The following MEGF11 variants were observed in gnomAD, a reference collection of about 807,000 sequenced individuals.
MEGF11 encodes the protein multiple EGF like domains 11, also known as multiple epidermal growth factor-like domains protein 11.
MEGF11 carries 126 observed loss-of-function variants against 146.6 expected under a neutral mutation model. The ratio of observed to expected loss-of-function variants is 0.86; its 90% confidence interval spans 0.74 to 1.00. The LOEUF is 1.00. Among genes scored for constraint, MEGF11 ranks in the 50% least tolerant of loss-of-function variants. The pLI is 0.00. For missense variants in MEGF11, 1,509 were observed against 1,521.2 expected (o/e 0.99, Z 0.13); for synonymous variants, 532 against 583.4 (o/e 0.91, Z 1.27).
At chr15:66,103,696 A>G (rs763071363) in intron 4 of MEGF11, among the ~76,000 whole-genome samples, 3 of 152,148 alleles carry the variant, frequency 2.0e-5, no homozygotes, top group Non-Finnish European at 4.4e-5. Flanking sequence ...GCCCCATCAT[A>G]TTCTCTTGTG....
intron 2 of MEGF11, among the ~76,000 whole-genome samples, chr15:66,127,910 C>T (rs2088448995): frequency 6.6e-6 from 1 of 152,288 alleles, no homozygotes; most frequent in African/African-American, 2.4e-5. Flanking sequence ...GCTGCCAGTC[C>T]TGGGAGACCA....
At chr15:65,934,996 C>T (rs570466644) in intron 10 of MEGF11, among the ~76,000 whole-genome samples, 2 of 152,184 alleles carry the variant, frequency 1.3e-5, no homozygotes, top group East Asian at 3.9e-4. Flanking sequence ...GAGGGAGTTG[C>T]AGGAACCCCG....
intron 3 of MEGF11, 84 bp from the exon 4 acceptor site, chr15:66,119,270 G>A (rs2087895997): frequency 2.2e-6 from 2 of 928,032 alleles, no homozygotes; most frequent in Admixed American, 4.8e-5. Context: ...AAGCTATATT[G>A]AGGATGCCAT....
rs892030821 is a variant in MEGF11 at position 66,244,296 on chromosome 15, A to G, written c.-9+9309T>C. Among the ~76,000 whole-genome samples the G allele has an allele frequency of 3.9e-5, 6 of 152,260 alleles. No individual in the cohort carries two copies. In the South Asian group the frequency reaches 6.2e-4, roughly 16 times the overall value. ...TTCTGAAGACCTGAGGCCCATTAGT[A>G]AGTCCTCTCCTGCTCGTTACTGGCT... On this transcript the variant is annotated intron_variant, in intron 1 of 25. Transcript: ENST00000395614.
intron 10 of MEGF11, among the ~76,000 whole-genome samples, chr15:65,955,140 G>A (rs909049953): frequency 2.6e-5 from 4 of 152,146 alleles, no homozygotes; most frequent in African/African-American, 9.7e-5. Context: ...GCTGGGACAG[G>A]GGTCACCCAT....
chr15:66,135,785 C>T (rs1420865361), intron 1 of MEGF11, among the ~76,000 whole-genome samples: 2 of 152,212 alleles, frequency 1.3e-5, no homozygotes, highest in Non-Finnish European at 2.9e-5. Context: ...ACTTCCCCTG[C>T]CCTTGGGTCT....
chr15:65,916,606 C>G, intron 17 of MEGF11: 1 of 836,840 alleles, frequency 1.2e-6, no homozygotes, highest in East Asian at 2.7e-5. Flanking sequence ...ACCTTGCAGC[C>G]CTGACCTTCC....
intron 1 of MEGF11, among the ~76,000 whole-genome samples, chr15:66,184,284 G>A (rs1415954249): frequency 2.0e-5 from 3 of 151,940 alleles, no homozygotes; most frequent in African/African-American, 2.4e-5. Context: ...TCCTCCCCAC[G>A]CATCCCACAC....
At chr15:66,032,098 T>C (rs151180453) in intron 5 of MEGF11, among the ~76,000 whole-genome samples, 99 of 152,320 alleles carry the variant, frequency 6.5e-4, no homozygotes, top group African/African-American at 2.2e-3. Context: ...CATAGAACAG[T>C]TCCATCCTGA....
intron 5 of MEGF11, among the ~76,000 whole-genome samples, chr15:66,051,839 G>T (rs964072627): frequency 3.3e-5 from 5 of 152,242 alleles, no homozygotes; most frequent in Admixed American, 3.3e-4. Flanking sequence ...AGACTCCAGA[G>T]AAAGCGAGTG....
chr15:66,188,236 T>C (rs1490133030), intron 1 of MEGF11, among the ~76,000 whole-genome samples: 1 of 152,082 alleles, frequency 6.6e-6, no homozygotes, highest in Non-Finnish European at 1.5e-5. Context: ...TGGGGATCTA[T>C]ATATATATGA....
At chr15:65,930,745 G>A in intron 11 of MEGF11, 78 bp downstream of exon 11, 1 of 1,477,450 alleles carries the variant, frequency 6.8e-7, no homozygotes, top group Non-Finnish European at 9.1e-7. Context: ...AGCCCCACCT[G>A]AGACCCCTCA....
chr15:66,217,206 C>T (rs970190097), intron 1 of MEGF11, among the ~76,000 whole-genome samples: 2 of 152,236 alleles, frequency 1.3e-5, no homozygotes, highest in Non-Finnish European at 2.9e-5. Flanking sequence ...GAGCTATCCA[C>T]AGAAGGCACC....
At chr15:66,005,002 G>A (rs969527168) in intron 5 of MEGF11, among the ~76,000 whole-genome samples, 1 of 152,174 alleles carries the variant, frequency 6.6e-6, no homozygotes, top group African/African-American at 2.4e-5. Context: ...CAGGTGGATC[G>A]CTTGAGCCCA....
intron 1 of MEGF11, among the ~76,000 whole-genome samples, chr15:66,198,743 C>T (rs1478900400): frequency 2.0e-5 from 3 of 152,090 alleles, no homozygotes; most frequent in Admixed American, 1.3e-4. Context: ...ACCTCGCCTC[C>T]GAAAGTGCTG....
intron 5 of MEGF11, among the ~76,000 whole-genome samples, chr15:66,060,157 G>C (rs1027134030): frequency 1.3e-5 from 2 of 152,028 alleles, no homozygotes; most frequent in African/African-American, 4.8e-5. Flanking sequence ...TACTGTGAAA[G>C]GGGAGTGGGG....
rs569050698 is a variant in MEGF11 at position 66,008,856 on chromosome 15, A to G, written c.395-26368T>C. 1.7e-4 allele frequency among the ~76,000 whole-genome samples: 26 copies of G among 151,532 alleles called. No homozygotes were observed. In the South Asian group the frequency reaches 5.2e-3, roughly 30 times the overall value. ...AAAAAAAAAAATAGTTAAAGGGGCT[A>G]TAAACTAGTTGCCTGGAATACCAGG... is the stretch of plus-strand genomic sequence containing the variant. On this transcript the variant is annotated intron_variant, in intron 5 of 25. Transcript: ENST00000395614.
chr15:66,238,025 T>C (rs1299686999), intron 1 of MEGF11, among the ~76,000 whole-genome samples: 5 of 152,222 alleles, frequency 3.3e-5, no homozygotes, highest in Non-Finnish European at 7.3e-5. Flanking sequence ...ATTCAGGTCC[T>C]GGGGCTTCGC....
chr15:65,925,533 G>A (rs1015845078), intron 13 of MEGF11, among the ~76,000 whole-genome samples: 8 of 152,182 alleles, frequency 5.3e-5, no homozygotes, highest in Admixed American at 1.3e-4. Context: ...TGATCAAAGG[G>A]GCTGGCCTTG....
Sources: gnomAD v4.1 joint callset for allele counts (sites outside exome capture counted in the v4.1 genomes callset) on GRCh38, gnomAD v4.1.1 for gene constraint, MANE v1.5 for transcripts, NCBI Gene and HGNC (gene_info 2026-07-23, HGNC 2026-07-21) for gene names.